TSHZ3: variants seen among roughly 807,000 people sequenced by gnomAD.
TSHZ3 encodes the protein teashirt homolog 3.
TSHZ3 carries 10 observed loss-of-function variants against 64.5 expected under a neutral mutation model. The observed-to-expected ratio is 0.16, with a 90% CI of 0.10 to 0.26. The LOEUF (loss-of-function observed/expected upper bound fraction) is 0.26. Ranked by LOEUF, TSHZ3 falls within the 10% of genes least tolerant of loss-of-function variation. The pLI, the probability that TSHZ3 is intolerant of heterozygous loss-of-function variation, is 1.00. For missense variants in TSHZ3, 1,242 were observed against 1,421.7 expected (o/e 0.87, Z 2.03); for synonymous variants, 608 against 593.1 (o/e 1.03, Z -0.36).
At chr19:31,232,426 T>C (rs1366373120) in intron 3 of TSHZ3, among the ~76,000 whole-genome samples, 1 of 152,208 alleles carries the variant, frequency 6.6e-6, no homozygotes, top group African/African-American at 2.4e-5. Context: ...AGGGTGGCTG[T>C]AGCTCAGCTC....
At chr19:31,260,061 C>T (rs945149399) in intron 1 of TSHZ3, among the ~76,000 whole-genome samples, 1 of 152,132 alleles carries the variant, frequency 6.6e-6, no homozygotes. Context: ...GCTGATTGTC[C>T]AGGTTAATTG....
intron 1 of TSHZ3, among the ~76,000 whole-genome samples, chr19:31,258,349 A>G (rs1975940092): frequency 6.6e-6 from 1 of 152,174 alleles, no homozygotes; most frequent in Non-Finnish European, 1.5e-5. Flanking sequence ...CCCTTGATCC[A>G]GGCCTCAGCC....
chr19:31,239,110 A>G (rs1975657770), intron 3 of TSHZ3, among the ~76,000 whole-genome samples: 1 of 152,118 alleles, frequency 6.6e-6, no homozygotes, highest in Non-Finnish European at 1.5e-5. Flanking sequence ...ATACCTCTTC[A>G]CATTTCACAC....
chr19:31,173,719 C>T (rs760613223), intron 5 of TSHZ3, among the ~76,000 whole-genome samples: 2 of 152,302 alleles, frequency 1.3e-5, no homozygotes, highest in Middle Eastern at 3.4e-3. Context: ...TCTCTCCCAC[C>T]GGATCCTGTT....
chr19:31,307,424 A>G (rs1215537250), intron 1 of TSHZ3, among the ~76,000 whole-genome samples: 1 of 152,138 alleles, frequency 6.6e-6, no homozygotes, highest in Non-Finnish European at 1.5e-5. Context: ...CAAGAAATGC[A>G]GGAGTGATGA....
At chr19:31,331,922 T>C (rs1917107238) in intron 1 of TSHZ3, among the ~76,000 whole-genome samples, 1 of 152,156 alleles carries the variant, frequency 6.6e-6, no homozygotes, top group Admixed American at 6.5e-5. Flanking sequence ...GGCACTTTCT[T>C]CTGGGCAGGG....
At chr19:31,269,823 C>T (rs1368666924) in intron 1 of TSHZ3, among the ~76,000 whole-genome samples, 1 of 152,216 alleles carries the variant, frequency 6.6e-6, no homozygotes, top group Non-Finnish European at 1.5e-5. Context: ...TGGCCTCCCC[C>T]GCTGATGCCT....
At chr19:31,333,264 T>C (rs1446434121) in intron 1 of TSHZ3, among the ~76,000 whole-genome samples, 1 of 152,000 alleles carries the variant, frequency 6.6e-6, no homozygotes, top group East Asian at 1.9e-4. Context: ...CGAAGAGCAA[T>C]GCAGCTGCCC....
chr19:31,274,112 C>T (rs1976184896), downstream of TSHZ3, among the ~76,000 whole-genome samples: 1 of 151,160 alleles, frequency 6.6e-6, no homozygotes, highest in African/African-American at 2.4e-5. Context: ...TCTGAAAGGG[C>T]TTAAATTTTT....
intron 1 of TSHZ3, among the ~76,000 whole-genome samples, chr19:31,298,595 C>T (rs376616240): frequency 6.6e-6 from 1 of 152,148 alleles, no homozygotes; most frequent in East Asian, 1.9e-4. Context: ...TGTCTGGGAA[C>T]GGTCCTGGCC....
chr19:31,187,217 GT>G (rs949055956), intron 5 of TSHZ3, among the ~76,000 whole-genome samples: 1 of 151,966 alleles, frequency 6.6e-6, no homozygotes, highest in Admixed American at 6.5e-5. Flanking sequence ...CCATATTATA[GT>G]TTTTTTAAAA....
intron 1 of TSHZ3, among the ~76,000 whole-genome samples, chr19:31,268,769 A>G (rs1409375318): frequency 2.0e-5 from 3 of 152,206 alleles, no homozygotes; most frequent in Non-Finnish European, 4.4e-5. Flanking sequence ...AATATAAGGA[A>G]GGACCTCCTG....
chr19:31,298,783 GA>G (rs137872874), intron 1 of TSHZ3, among the ~76,000 whole-genome samples: 2 of 151,946 alleles, frequency 1.3e-5, no homozygotes, highest in Non-Finnish European at 2.9e-5. Flanking sequence ...CTGGAATTGG[GA>G]AAAAAAAGCA....
intron 5 of TSHZ3, among the ~76,000 whole-genome samples, chr19:31,201,381 A>G (rs1340420589): frequency 6.6e-6 from 1 of 152,202 alleles, no homozygotes; most frequent in African/African-American, 2.4e-5. Context: ...TCAAAAAGAG[A>G]AAAAGCTTAA....
chr19:31,249,172 T>C (rs1409541021), intron 1 of TSHZ3, among the ~76,000 whole-genome samples: 1 of 152,084 alleles, frequency 6.6e-6, no homozygotes, highest in African/African-American at 2.4e-5. Flanking sequence ...CAAGTCAGTG[T>C]CCCGTTGGGT....
At chr19:31,322,377 C>T (rs1916797945) in intron 1 of TSHZ3, among the ~76,000 whole-genome samples, 1 of 152,130 alleles carries the variant, frequency 6.6e-6, no homozygotes, top group Non-Finnish European at 1.5e-5. Context: ...CTTTGCCTCC[C>T]AAAGTGCTGG....
upstream of TSHZ3, among the ~76,000 whole-genome samples, chr19:31,349,812 C>G (rs1365526613): frequency 6.9e-6 from 1 of 144,794 alleles, no homozygotes; most frequent in Non-Finnish European, 1.5e-5. Context: ...GTCTTCTGCC[C>G]GTGGCGCGGC....
At chr19:31,256,570 TAC>T (rs1975913939) in intron 1 of TSHZ3, among the ~76,000 whole-genome samples, 1 of 152,248 alleles carries the variant, frequency 6.6e-6, no homozygotes, top group Non-Finnish European at 1.5e-5. Flanking sequence ...AGCAAACATG[TAC>T]AGAGTATGTT....
chr19:31,162,341 C>T (rs1363605265), intron 5 of TSHZ3, among the ~76,000 whole-genome samples: 1 of 152,058 alleles, frequency 6.6e-6, no homozygotes. Context: ...TAACATCACT[C>T]TTGAATGGAT....
Sources: gnomAD v4.1 joint callset for allele counts (sites outside exome capture counted in the v4.1 genomes callset) on GRCh38, gnomAD v4.1.1 for gene constraint, MANE v1.5 for transcripts, NCBI Gene and HGNC (gene_info 2026-07-23, HGNC 2026-07-21) for gene names.